PDE10A: variants seen among roughly 807,000 people sequenced by gnomAD.
PDE10A encodes cAMP and cAMP-inhibited cGMP 3',5'-cyclic phosphodiesterase 10A.
In PDE10A, 39 loss-of-function variants were observed where a neutral mutation model predicts 97.7. The observed-to-expected ratio is 0.40, with a 90% CI of 0.31 to 0.52. The LOEUF (loss-of-function observed/expected upper bound fraction) is 0.52. Ranked by LOEUF, PDE10A falls within the 20% of genes least tolerant of loss-of-function variation. PDE10A has a pLI of 0.56. For missense variants in PDE10A, 731 were observed against 1,047.8 expected, an observed-to-expected ratio of 0.70 and a Z score of 4.17; for synonymous variants, 371 against 376.8, an observed-to-expected ratio of 0.98 and a Z score of 0.18.
intron 2 of PDE10A, among the ~76,000 whole-genome samples, chr6:165,509,544 G>A (rs898879531): frequency 1.1e-4 from 17 of 151,368 alleles, no homozygotes; most frequent in African/African-American, 3.4e-4. Context: ...CCTTTTGCTC[G>A]GGATTGCTTT....
At chr6:165,568,330 C>G (rs1298003594) in intron 1 of PDE10A, among the ~76,000 whole-genome samples, 1 of 152,018 alleles carries the variant, frequency 6.6e-6, no homozygotes, top group Admixed American at 6.5e-5. Context: ...GTATAGTATA[C>G]CCACCCTCCT....
intron 1 of PDE10A, among the ~76,000 whole-genome samples, chr6:165,917,432 G>C (rs986455613): frequency 1.3e-5 from 2 of 152,162 alleles, no homozygotes; most frequent in Admixed American, 1.3e-4. Context: ...TCCTGCAGGG[G>C]AAAGAACCAG....
At chr6:165,912,253 A>G (rs965673093) in intron 1 of PDE10A, among the ~76,000 whole-genome samples, 1 of 152,180 alleles carries the variant, frequency 6.6e-6, no homozygotes, top group African/African-American at 2.4e-5. Flanking sequence ...GTATACATAC[A>G]TACATATATA....
intron 1 of PDE10A, among the ~76,000 whole-genome samples, chr6:165,810,560 C>A (rs111612747): frequency 2.6e-5 from 4 of 152,272 alleles, no homozygotes; most frequent in Non-Finnish European, 5.9e-5. Flanking sequence ...ATGTCCCCAG[C>A]CACTTATGCT....
intron 1 of PDE10A, among the ~76,000 whole-genome samples, chr6:165,562,321 A>C (rs372389917): frequency 3.3e-4 from 51 of 152,344 alleles, no homozygotes; most frequent in African/African-American, 1.2e-3. Context: ...GAAGAAAAGT[A>C]ATGAATTAGA....
At chr6:165,727,136 A>T (rs535835926) in intron 1 of PDE10A, among the ~76,000 whole-genome samples, 3 of 152,200 alleles carry the variant, frequency 2.0e-5, no homozygotes, top group South Asian at 2.1e-4. Flanking sequence ...ATGACCACAC[A>T]GGAGACCCTG....
At chr6:165,480,211 G>A (rs1048418160) in intron 3 of PDE10A, among the ~76,000 whole-genome samples, 3 of 152,168 alleles carry the variant, frequency 2.0e-5, no homozygotes, top group African/African-American at 4.8e-5. Context: ...GTTTGGATAC[G>A]AAATAAAAGT....
intron 1 of PDE10A, among the ~76,000 whole-genome samples, chr6:165,755,762 C>G (rs1455044286): frequency 6.6e-6 from 1 of 152,006 alleles, no homozygotes; most frequent in Non-Finnish European, 1.5e-5. Flanking sequence ...AGGTACAGCC[C>G]CTGCAGGTCA....
At chr6:165,618,817 G>A (rs1347069738) in intron 1 of PDE10A, among the ~76,000 whole-genome samples, 1 of 152,204 alleles carries the variant, frequency 6.6e-6, no homozygotes, top group Non-Finnish European at 1.5e-5. Flanking sequence ...TGAAATGTGA[G>A]CGATGAAATG....
At chr6:165,414,140 C>G (rs146328996) in intron 12 of PDE10A, among the ~76,000 whole-genome samples, 167 of 152,170 alleles carry the variant, frequency 1.1e-3, no homozygotes, top group Middle Eastern at 3.4e-3. Context: ...GTCAGCAAAC[C>G]GCACCCAGGG....
At chr6:165,798,360 G>A (rs576208164) in intron 1 of PDE10A, among the ~76,000 whole-genome samples, 3 of 152,298 alleles carry the variant, frequency 2.0e-5, no homozygotes, top group Non-Finnish European at 4.4e-5. Context: ...ACTCAGCAGG[G>A]CCTTCTGAAG....
At chr6:165,949,014 C>T (rs1208798683) in intron 1 of PDE10A, 1 of 152,248 alleles carries the variant, frequency 6.6e-6, no homozygotes, top group Non-Finnish European at 1.5e-5. Flanking sequence ...AAGCAGCAAA[C>T]AGGAAATGGC....
In PDE10A at chr6:165,892,566, C is replaced by A. The variant is rs759696050; in HGVS notation, c.-615+94963G>T. ...AGCCTCCCCAAGGCATGGGTGCATGCGCTCTCCTTGGACTTCCGGCTGTGT... is the reference window on the plus strand; with the variant it reads ...AGCCTCCCCAAGGCATGGGTGCATGAGCTCTCCTTGGACTTCCGGCTGTGT... On this transcript the variant is annotated intron_variant, in intron 1 of 19. Coordinates refer to the PDE10A transcript ENST00000366882. Among the ~76,000 whole-genome samples, 94 of 152,322 alleles carry A rather than the reference C, an allele frequency of 6.2e-4. 1 individual carries two copies. Among genetic ancestry groups the A allele is most frequent in the Non-Finnish European group, 1.2e-3 (80 of 68,032 alleles).
intron 1 of PDE10A, among the ~76,000 whole-genome samples, chr6:165,848,046 T>G (rs1254976512): frequency 6.6e-6 from 1 of 152,126 alleles, no homozygotes. Flanking sequence ...ATTGCCACAT[T>G]GAGTTTTGCC....
At chr6:165,589,156 A>G (rs985443577) in intron 1 of PDE10A, among the ~76,000 whole-genome samples, 1 of 152,212 alleles carries the variant, frequency 6.6e-6, no homozygotes, top group Middle Eastern at 3.2e-3. Flanking sequence ...AAACATACAG[A>G]GCATGCAAAG....
chr6:165,593,204 A>G (rs1786384125), intron 1 of PDE10A, among the ~76,000 whole-genome samples: 1 of 152,176 alleles, frequency 6.6e-6, no homozygotes, highest in Admixed American at 6.5e-5. Flanking sequence ...CAGGAACAGA[A>G]AACGAAACAC....
chr6:165,331,060 T>C lies in PDE10A; in HGVS notation c.*1965A>G, dbSNP rs1253941450. On this transcript the variant is annotated 3_prime_UTR_variant, in exon 22 of 22. Transcript: ENST00000539869. ...TGGGAGAATGGGGCTGATTTATATTTTTTCCTACATGTTTGCTTCTCTCTT... is the reference window on the plus strand; with the variant it reads ...TGGGAGAATGGGGCTGATTTATATTCTTTCCTACATGTTTGCTTCTCTCTT... 6.6e-6 allele frequency: 1 copy of C among 152,208 alleles called. No homozygotes were observed. The highest frequency in any genetic ancestry group is 6.5e-5 in the Admixed American group (1 of 15,282). The allele number at this position is 152,208 out of a possible 1,614,324, so 9.4% of individuals were successfully genotyped here.
At chr6:165,963,477 C>T (rs1784416868) in intron 1 of PDE10A, among the ~76,000 whole-genome samples, 1 of 152,198 alleles carries the variant, frequency 6.6e-6, no homozygotes, top group Non-Finnish European at 1.5e-5. Context: ...GACCTTCTAG[C>T]CATGTGGCCT....
chr6:165,512,757 A>G (rs1212708306), intron 2 of PDE10A, among the ~76,000 whole-genome samples: 2 of 152,084 alleles, frequency 1.3e-5, no homozygotes, highest in South Asian at 2.1e-4. Context: ...AGAAACTGAC[A>G]AACTGTTTTC....
Sources: allele counts gnomAD v4.1 joint callset (sites outside exome capture counted in the v4.1 genomes callset), GRCh38; gene constraint gnomAD v4.1.1; transcripts MANE v1.5; gene names NCBI Gene and HGNC (gene_info 2026-07-23, HGNC 2026-07-21).